GPC4: variants seen among roughly 807,000 people sequenced by gnomAD.
The protein encoded by GPC4 is glypican 4.
In GPC4, 10 loss-of-function variants were observed where a neutral mutation model predicts 35.0. That is an observed-to-expected ratio of 0.29 (90% CI 0.18 to 0.48). The LOEUF is 0.48. Among genes scored for constraint, GPC4 ranks in the 20% least tolerant of loss-of-function variants. The probability of loss-of-function intolerance (pLI) is 0.99; values close to 1 mark genes in which losing one functional copy is unlikely to be tolerated. For missense variants in GPC4, 322 were observed against 451.3 expected (o/e 0.71, Z 2.60); for synonymous variants, 167 against 170.2 (o/e 0.98, Z 0.15).
chrX:133,354,568 A>ATTTTTTTTTT (rs77166014), intron 1 of GPC4, among the ~76,000 whole-genome samples: 1 of 95,206 alleles, frequency 1.1e-5, no homozygotes, highest in African/African-American at 4.2e-5. Context: ...TTATTTATTT[A>ATTTTTTTTTT]TTTTTTTTTT....
At chrX:133,398,231 C>T (rs932207273) in intron 1 of GPC4, among the ~76,000 whole-genome samples, 3 of 111,412 alleles carry the variant, frequency 2.7e-5, no homozygotes, top group African/African-American at 9.8e-5. Context: ...AGTCAGTTCA[C>T]TGCATTAAAT....
intron 3 of GPC4, among the ~76,000 whole-genome samples, chrX:133,323,617 G>A (rs2068376847): frequency 2.7e-5 from 3 of 112,692 alleles, no homozygotes; most frequent in South Asian, 7.3e-4. Context: ...GCAGAGTCAT[G>A]AGTCAACAGC....
intron 1 of GPC4, among the ~76,000 whole-genome samples, chrX:133,396,358 T>C (rs1569356005): frequency 8.9e-6 from 1 of 111,932 alleles, no homozygotes; most frequent in African/African-American, 3.2e-5. Flanking sequence ...GCAATTTATA[T>C]TTGGCAAAAT....
chrX:133,309,316 A>G (rs979968347), intron 4 of GPC4, among the ~76,000 whole-genome samples: 3 of 112,446 alleles, frequency 2.7e-5, no homozygotes, highest in Non-Finnish European at 5.6e-5. Context: ...CAAAGATAAC[A>G]AATGTAATTT....
rs763800349 is a variant in GPC4, at chrX:133,347,248, G to GTTTTTTTTTTTT, written c.161-7919_161-7908dup. Among the ~76,000 whole-genome samples, 8 of 25,424 alleles carry GTTTTTTTTTTTT rather than the reference G, an allele frequency of 3.1e-4. 1 individual carries two copies. Among genetic ancestry groups the GTTTTTTTTTTTT allele is most frequent in the African/African-American group, 1.1e-3 (8 of 7,190 alleles). 22.1% of individuals were successfully genotyped at this position (25,424 alleles called of 115,157 possible). ...TAAATCTAAAACTCTTCTATTAGAA[G>GTTTTTTTTTTTT]TTTTTTTTTTTTTTTTTTTTTTTTT... On this transcript the variant is annotated intron_variant, in intron 1 of 8. Coordinates refer to ENST00000370828, the MANE Select transcript of GPC4 (RefSeq NM_001448.3).
In GPC4 at chrX:133,301,228, C is replaced by A. The variant is rs1480812228; in HGVS notation, c.*1639G>T. 8.9e-6 allele frequency: 1 copy of A among 112,725 alleles called. No individual in the cohort carries two copies. The highest frequency in any genetic ancestry group is 9.4e-5 in the Admixed American group (1 of 10,603). The allele number at this position is 112,725 out of a possible 1,213,427, so 9.3% of individuals were successfully genotyped here. A position where few individuals can be genotyped will look rare whatever the true frequency, so the allele number is the denominator to read the frequency against. ...TTCAATATAAAAATAGAGAATTACT[C>A]TTACAACTGAAGATTGAACAATAAC... On this transcript the variant is annotated 3_prime_UTR_variant, in exon 9 of 9. Transcript: ENST00000370828.
intron 1 of GPC4, among the ~76,000 whole-genome samples, chrX:133,406,001 G>C (rs901996574): frequency 1.3e-4 from 15 of 112,358 alleles, no homozygotes; most frequent in African/African-American, 4.5e-4. Flanking sequence ...GTTCTGGATG[G>C]TTGCACCAGC....
intron 1 of GPC4, among the ~76,000 whole-genome samples, chrX:133,409,722 T>C (rs1026580550): frequency 9.0e-6 from 1 of 111,717 alleles, no homozygotes; most frequent in African/African-American, 3.3e-5. Flanking sequence ...AGTGACTCAA[T>C]GAAAGAAGTA....
At chrX:133,351,445 A>G (rs764721471) in intron 1 of GPC4, among the ~76,000 whole-genome samples, 1 of 105,997 alleles carries the variant, frequency 9.4e-6, no homozygotes, top group South Asian at 4.6e-4. Context: ...CTACATATGC[A>G]TTAGCCACCT....
At chrX:133,360,413 A>G (rs962941437) in intron 1 of GPC4, among the ~76,000 whole-genome samples, 4 of 111,594 alleles carry the variant, frequency 3.6e-5, no homozygotes, top group African/African-American at 1.3e-4. Flanking sequence ...TGTCTCTTTT[A>G]TCACCTATTG....
intron 1 of GPC4, among the ~76,000 whole-genome samples, chrX:133,397,648 T>C (rs776016750): frequency 8.9e-6 from 1 of 111,814 alleles, no homozygotes; most frequent in South Asian, 3.7e-4. Context: ...GTTTGCCCTA[T>C]CATAAGCTCA....
intron 1 of GPC4, among the ~76,000 whole-genome samples, chrX:133,381,156 C>T (rs2068658900): frequency 1.8e-5 from 2 of 111,841 alleles, no homozygotes; most frequent in African/African-American, 6.5e-5. Context: ...GATACCAACA[C>T]TTCTGGGCAG....
chrX:133,393,617 G>C (rs913174429), intron 1 of GPC4, among the ~76,000 whole-genome samples: 1 of 110,061 alleles, frequency 9.1e-6, no homozygotes, highest in African/African-American at 3.3e-5. Flanking sequence ...TGTTAGACTA[G>C]ACTTTAGGCA....
chrX:133,369,084 ATCTTAG>A (rs1303685402), intron 1 of GPC4, among the ~76,000 whole-genome samples: 2 of 112,115 alleles, frequency 1.8e-5, no homozygotes, highest in African/African-American at 6.5e-5. Context: ...CAGGAAATTA[ATCTTAG>A]TCTACTCACA....
intron 3 of GPC4, among the ~76,000 whole-genome samples, chrX:133,316,948 C>T (rs1377471292): frequency 3.6e-5 from 4 of 111,731 alleles, no homozygotes; most frequent in South Asian, 3.8e-4. Context: ...TAAAACGGTA[C>T]GTAATGTGCA....
chrX:133,321,821 C>A (rs1227708047), intron 3 of GPC4, among the ~76,000 whole-genome samples: 3 of 111,849 alleles, frequency 2.7e-5, no homozygotes, highest in Admixed American at 9.5e-5. Flanking sequence ...TTACCCTCAA[C>A]TCCACCCTCA....
intron 1 of GPC4, among the ~76,000 whole-genome samples, chrX:133,379,632 A>C (rs2068651929): frequency 8.9e-6 from 1 of 112,008 alleles, no homozygotes; most frequent in Non-Finnish European, 1.9e-5. Context: ...GTTCAAATCC[A>C]TGCTGACTGA....
At chrX:133,363,411 T>C (rs1013878454) in intron 1 of GPC4, among the ~76,000 whole-genome samples, 2 of 111,281 alleles carry the variant, frequency 1.8e-5, no homozygotes, top group African/African-American at 6.6e-5. Flanking sequence ...CATTTAATTA[T>C]GAAAAGGATA....
intron 1 of GPC4, among the ~76,000 whole-genome samples, chrX:133,393,668 G>GA (rs1205309442): frequency 7.4e-5 from 8 of 107,409 alleles, no homozygotes; most frequent in African/African-American, 2.4e-4. Flanking sequence ...CTGAAAGAAA[G>GA]AAAAAAAAAG....
Sources: gnomAD v4.1 joint callset for allele counts (sites outside exome capture counted in the v4.1 genomes callset) on GRCh38, gnomAD v4.1.1 for gene constraint, MANE v1.5 for transcripts, NCBI Gene and HGNC (gene_info 2026-07-23, HGNC 2026-07-21) for gene names.